The following FYN variants were observed in gnomAD, a reference collection of about 807,000 sequenced individuals.
FYN encodes the protein tyrosine-protein kinase Fyn.
A neutral mutation model predicts 70.2 loss-of-function variants in FYN; 10 were observed. That is an observed-to-expected ratio of 0.14 (90% CI 0.09 to 0.24). FYN has a LOEUF of 0.24. FYN is among the 10% of genes least tolerant of loss of function. The probability of loss-of-function intolerance (pLI) is 1.00; values close to 1 mark genes in which losing one functional copy is unlikely to be tolerated. For missense variants in FYN, 319 were observed against 673.1 expected, an observed-to-expected ratio of 0.47 and a Z score of 5.82; for synonymous variants, 236 against 248.6, an observed-to-expected ratio of 0.95 and a Z score of 0.48.
intron 2 of FYN, among the ~76,000 whole-genome samples, chr6:111,822,720 C>G (rs1772710334): frequency 6.7e-6 from 1 of 149,928 alleles, no homozygotes; most frequent in Non-Finnish European, 1.5e-5. Context: ...AAGAAATAAA[C>G]AGTAGAGGTA....
intron 3 of FYN, among the ~76,000 whole-genome samples, chr6:111,739,918 G>T (rs1251588450): frequency 6.6e-6 from 1 of 152,214 alleles, no homozygotes; most frequent in East Asian, 1.9e-4. Flanking sequence ...CTGTCTCCTG[G>T]GTTCAAATAA....
chr6:111,779,668 T>C (rs911394947), intron 3 of FYN, among the ~76,000 whole-genome samples: 5 of 152,134 alleles, frequency 3.3e-5, no homozygotes, highest in Non-Finnish European at 5.9e-5. Flanking sequence ...GAAGTGAATA[T>C]TGGAGGAGGG....
At chr6:111,804,415 C>T (rs1319826965) in intron 2 of FYN, among the ~76,000 whole-genome samples, 1 of 152,186 alleles carries the variant, frequency 6.6e-6, no homozygotes, top group Non-Finnish European at 1.5e-5. Flanking sequence ...ACTACTGGGA[C>T]TGCGGCTTTC....
intron 2 of FYN, among the ~76,000 whole-genome samples, chr6:111,786,319 T>C (rs1250479319): frequency 6.6e-6 from 1 of 151,882 alleles, no homozygotes; most frequent in Non-Finnish European, 1.5e-5. Flanking sequence ...GTTTGGTTTT[T>C]TGTCCTTGTG....
intron 12 of FYN, among the ~76,000 whole-genome samples, chr6:111,692,748 T>A (rs976244004): frequency 1.3e-5 from 2 of 152,232 alleles, no homozygotes; most frequent in African/African-American, 4.8e-5. Context: ...CCACTCTCCT[T>A]CTGAGTCTGA....
intron 2 of FYN, among the ~76,000 whole-genome samples, chr6:111,827,049 C>T (rs1161149164): frequency 7.2e-5 from 11 of 152,158 alleles, no homozygotes; most frequent in Non-Finnish European, 1.5e-4. Context: ...AGTGCTTCCA[C>T]GCAGAACTGT....
At chr6:111,771,068 C>T (rs192875845) in intron 3 of FYN, among the ~76,000 whole-genome samples, 4 of 152,196 alleles carry the variant, frequency 2.6e-5, no homozygotes, top group Admixed American at 1.3e-4. Context: ...TTTACCTGCA[C>T]CATTCCCGGT....
At chr6:111,788,496 C>T (rs1210114590) in intron 2 of FYN, among the ~76,000 whole-genome samples, 1 of 152,134 alleles carries the variant, frequency 6.6e-6, no homozygotes, top group Non-Finnish European at 1.5e-5. Flanking sequence ...TTTGTTGAGT[C>T]TCATTTTCGA....
chr6:111,708,732 C>T (rs1401955951), intron 5 of FYN, among the ~76,000 whole-genome samples: 1 of 152,144 alleles, frequency 6.6e-6, no homozygotes, highest in African/African-American at 2.4e-5. Context: ...TGCGTGTGCT[C>T]GCACAGGTGA....
At chr6:111,727,865 T>C (rs534731419) in intron 3 of FYN, among the ~76,000 whole-genome samples, 1 of 152,366 alleles carries the variant, frequency 6.6e-6, no homozygotes, top group South Asian at 2.1e-4. Flanking sequence ...CTGGCTTTTC[T>C]TGTTCAAATG....
At chr6:111,674,325 ATGGTGGCTCCC>A in intron 13 of FYN, 163 bp downstream of exon 13, 1 of 640,104 alleles carries the variant, frequency 1.6e-6, no homozygotes, top group Admixed American at 2.5e-5. Context: ...GTCTACATAC[ATGGTGGCTCCC>A]AGTTCTGCTT....
At chr6:111,676,338 T>C (rs1433392982) in intron 12 of FYN, 2 of 152,222 alleles carry the variant, frequency 1.3e-5, no homozygotes, top group Admixed American at 1.3e-4. Flanking sequence ...AGAAAAGTTA[T>C]TCTATAGTTT....
chr6:111,791,376 T>C (rs1356151206), intron 2 of FYN, among the ~76,000 whole-genome samples: 1 of 152,222 alleles, frequency 6.6e-6, no homozygotes, highest in East Asian at 1.9e-4. Flanking sequence ...CTGGGTAGTA[T>C]AGATTGAACC....
At chr6:111,684,835 CTG>C (rs1798928139) in intron 12 of FYN, among the ~76,000 whole-genome samples, 1 of 152,158 alleles carries the variant, frequency 6.6e-6, no homozygotes, top group Non-Finnish European at 1.5e-5. Flanking sequence ...GGAGTACAGA[CTG>C]TGTTATGGAG....
chr6:111,749,917 G>C (rs1432466583), intron 3 of FYN, among the ~76,000 whole-genome samples: 1 of 151,828 alleles, frequency 6.6e-6, no homozygotes, highest in Non-Finnish European at 1.5e-5. Flanking sequence ...CCTCTAGGAA[G>C]ACTGCATGAT....
intron 1 of FYN, among the ~76,000 whole-genome samples, chr6:111,863,170 T>C (rs1229378637): frequency 6.6e-6 from 1 of 152,104 alleles, no homozygotes; most frequent in Non-Finnish European, 1.5e-5. Flanking sequence ...ACCTCCTCAC[T>C]CAATCTAGGA....
chr6:111,701,834 C>T (rs1007262353), intron 8 of FYN, among the ~76,000 whole-genome samples: 5 of 152,120 alleles, frequency 3.3e-5, no homozygotes, highest in African/African-American at 1.2e-4. Context: ...CCGAGTTAGC[C>T]AATGCCATAA....
intron 2 of FYN, among the ~76,000 whole-genome samples, chr6:111,834,103 T>C (rs1773105837): frequency 2.0e-5 from 3 of 152,186 alleles, no homozygotes; most frequent in South Asian, 2.1e-4. Flanking sequence ...CATTTATATA[T>C]AGTCCCAAGG....
At chr6:111,836,897 A>G (rs1773204393) in intron 2 of FYN, among the ~76,000 whole-genome samples, 1 of 152,248 alleles carries the variant, frequency 6.6e-6, no homozygotes, top group Non-Finnish European at 1.5e-5. Context: ...AAAACACAAA[A>G]GCCTAATTAT....
Sources: gnomAD v4.1 joint callset for allele counts (sites outside exome capture counted in the v4.1 genomes callset) on GRCh38, gnomAD v4.1.1 for gene constraint, MANE v1.5 for transcripts, NCBI Gene and HGNC (gene_info 2026-07-23, HGNC 2026-07-21) for gene names.